ANP32A: variants seen among roughly 807,000 people sequenced by gnomAD.
ANP32A encodes acidic leucine-rich nuclear phosphoprotein 32 family member A.
Under a neutral mutation model 33.9 loss-of-function variants are expected in ANP32A, and 1 was observed. The observed-to-expected ratio is 0.03, with a 90% CI of 0.01 to 0.14. The LOEUF is 0.14. Ranked by LOEUF, ANP32A falls within the 10% of genes least tolerant of loss-of-function variation. ANP32A has a pLI of 1.00. For missense variants in ANP32A, 155 were observed against 306.0 expected, an observed-to-expected ratio of 0.51 and a Z score of 3.68; for synonymous variants, 115 against 120.5, an observed-to-expected ratio of 0.95 and a Z score of 0.30.
At chr15:68,801,324 C>T (rs1048110793) in intron 1 of ANP32A, among the ~76,000 whole-genome samples, 6 of 151,728 alleles carry the variant, frequency 4.0e-5, no homozygotes, top group African/African-American at 9.7e-5. Context: ...ATCTACACCC[C>T]GGACATCTCC....
At chr15:68,793,070 A>G (rs761957020) in intron 1 of ANP32A, among the ~76,000 whole-genome samples, 1 of 152,136 alleles carries the variant, frequency 6.6e-6, no homozygotes, top group Admixed American at 6.5e-5. Context: ...AGCTCTGTGC[A>G]TCCTGGGGCA....
At position 68,804,808 on chromosome 15, in the gene ANP32A, C is replaced by T. The variant is rs151079552; in HGVS notation, c.54+15890G>A. On this transcript the variant is annotated intron_variant, in intron 1 of 6. Coordinates refer to ENST00000465139, the MANE Select transcript of ANP32A (RefSeq NM_006305.4). ...GATTGTAGGCGTGAGCCGCTGCACGCGGCTGTGTCTGCCTTTGAGAAGCTT... is the reference window on the plus strand; with the variant it reads ...GATTGTAGGCGTGAGCCGCTGCACGTGGCTGTGTCTGCCTTTGAGAAGCTT... 4.9e-3 allele frequency among the ~76,000 whole-genome samples: 746 copies of T among 152,374 alleles called. 30 individuals carry two copies. The highest frequency in any genetic ancestry group is 0.042 in the Admixed American group (643 of 15,306).
Position 68,780,229 on chromosome 15 carries a change from T to G in ANP32A, c.689-87A>C, listed in dbSNP as rs1893850201. Reference sequence around the variant, plus strand: ...ACCCAGTGAGAAGTCAGGGGACCCATGACTAGCAAGCTGTGCCATCCTTGG... The same window carrying G: ...ACCCAGTGAGAAGTCAGGGGACCCAGGACTAGCAAGCTGTGCCATCCTTGG... On this transcript the variant is annotated intron_variant, in intron 6 of 6. Coordinates refer to ENST00000465139, the MANE Select transcript of ANP32A (RefSeq NM_006305.4). This position sits in a 1 kb window ranked among gnomAD's most constrained non-coding sequence, Gnocchi z 4.3. 18 of 1,583,416 alleles carry G rather than the reference T, an allele frequency of 1.1e-5. No homozygotes were observed. Among genetic ancestry groups the G allele is most frequent in the Non-Finnish European group, 1.5e-5 (17 of 1,161,516 alleles).
intron 1 of ANP32A, among the ~76,000 whole-genome samples, chr15:68,800,757 A>AAAAAAAAT (rs1894123098): frequency 7.0e-6 from 1 of 143,376 alleles, no homozygotes; most frequent in South Asian, 2.3e-4. Context: ...AAAAAAAAAA[A>AAAAAAAAT]GAAAGAAAAG....
chr15:68,797,612 G>A (rs1260494354), intron 1 of ANP32A, among the ~76,000 whole-genome samples: 1 of 152,142 alleles, frequency 6.6e-6, no homozygotes, highest in African/African-American at 2.4e-5. Flanking sequence ...CAAAACCCCT[G>A]TGCTTCCTCC....
intron 1 of ANP32A, chr15:68,812,816 G>A (rs1894330843): frequency 6.6e-6 from 1 of 152,130 alleles, no homozygotes; most frequent in Non-Finnish European, 1.5e-5. Context: ...AGGGAGTGGA[G>A]TAAAATGTAT....
chr15:68,812,238 A>T (rs988100412), intron 1 of ANP32A, among the ~76,000 whole-genome samples: 1 of 152,226 alleles, frequency 6.6e-6, no homozygotes, highest in Non-Finnish European at 1.5e-5. Context: ...TGGCGGAAGC[A>T]GGACATACCC....
chr15:68,794,143 A>G (rs1227446309), intron 1 of ANP32A, among the ~76,000 whole-genome samples: 1 of 152,208 alleles, frequency 6.6e-6, no homozygotes, highest in Non-Finnish European at 1.5e-5. Flanking sequence ...GAGCATCCCC[A>G]GCTTGGAAAA....
chr15:68,798,988 G>A (rs1229060503), intron 1 of ANP32A, among the ~76,000 whole-genome samples: 1 of 152,226 alleles, frequency 6.6e-6, no homozygotes, highest in Admixed American at 6.5e-5. Context: ...GGCTGGGGCT[G>A]AAAGTTTTTT....
At chr15:68,812,960 G>C (rs1017567066) in intron 1 of ANP32A, 4 of 152,196 alleles carry the variant, frequency 2.6e-5, no homozygotes, top group African/African-American at 9.7e-5. Flanking sequence ...TAGCAAAGCC[G>C]AGAAGAGCAT....
chr15:68,782,256 G>C (rs1213353885), intron 5 of ANP32A, among the ~76,000 whole-genome samples: 1 of 152,200 alleles, frequency 6.6e-6, no homozygotes, highest in East Asian at 1.9e-4. Context: ...TAAGCAGTCA[G>C]ACACTTACCC....
chr15:68,820,118 G>C (rs1180545438), intron 1 of ANP32A, among the ~76,000 whole-genome samples: 1 of 152,024 alleles, frequency 6.6e-6, no homozygotes, highest in Non-Finnish European at 1.5e-5. Flanking sequence ...CGCTCTCCCC[G>C]GGGGCCTCGG....
rs934738438 is a variant in ANP32A, at chr15:68,820,738, C to T, written c.14G>A (p.Arg5Lys). ...GTTCCGCAGCTCTAAATGAATCCGT[C>T]TGCCCATCTCCATCTCTCGCGCTCT... MEMG[R>K]RIHLELRNRT... The change falls in exon 1 of 7, where the codon AGA becomes AAA. Residue 5 changes from arginine (R) to lysine (K), a missense_variant. By Grantham distance (26) the Arg-to-Lys change is conservative (BLOSUM62 2). Coordinates refer to ENST00000465139, the MANE Select transcript of ANP32A (RefSeq NM_006305.4). The T allele has an allele frequency of 6.2e-6, 10 of 1,613,998 alleles. No homozygotes were observed. In the African/African-American group the frequency reaches 1.3e-4, roughly 22 times the overall value.
intron 1 of ANP32A, among the ~76,000 whole-genome samples, chr15:68,803,239 T>TA (rs1329459865): frequency 6.6e-6 from 1 of 152,042 alleles, no homozygotes; most frequent in Non-Finnish European, 1.5e-5. Flanking sequence ...TTTTAAAAGG[T>TA]AAAAAAGATA....
At chr15:68,811,499 C>T (rs749380) in intron 1 of ANP32A, among the ~76,000 whole-genome samples, 139,615 of 152,078 alleles carry the variant, frequency 0.92, 64,856 homozygotes, top group Non-Finnish European at 0.98. Context: ...ACGTCCTGGC[C>T]GGGAGGGAAG....
chr15:68,804,565 G>A (rs1894187681), intron 1 of ANP32A, among the ~76,000 whole-genome samples: 1 of 152,118 alleles, frequency 6.6e-6, no homozygotes. Context: ...TCTGAGTCTC[G>A]CTCTGTGGCC....
intron 1 of ANP32A, among the ~76,000 whole-genome samples, chr15:68,795,062 C>T (rs1443112142): frequency 2.0e-5 from 3 of 152,076 alleles, no homozygotes; most frequent in Admixed American, 6.5e-5. Flanking sequence ...CTGGGCGATT[C>T]GTTTCCCTGC....
chr15:68,791,882 A>C (rs1366829794), intron 1 of ANP32A: 1 of 152,676 alleles, frequency 6.5e-6, no homozygotes, highest in African/African-American at 2.4e-5. Flanking sequence ...TGAGCTGTGA[A>C]GTATCTGAAA....
At chr15:68,812,429 C>G (rs957741938) in intron 1 of ANP32A, among the ~76,000 whole-genome samples, 3 of 152,106 alleles carry the variant, frequency 2.0e-5, no homozygotes. Context: ...TGGAAGGCAC[C>G]CGTCTGGGGT....
Sources: gnomAD v4.1 joint callset for allele counts (sites outside exome capture counted in the v4.1 genomes callset) on GRCh38, gnomAD v4.1.1 for gene constraint, Gnocchi (gnomAD v3.1) non-coding constraint, MANE v1.5 for transcripts, NCBI Gene and HGNC (gene_info 2026-07-23, HGNC 2026-07-21) for gene names.